Variants in ZMPSTE24 observed in about 807,000 individuals in gnomAD.
The protein encoded by ZMPSTE24 is CAAX prenyl protease 1 homolog.
In ZMPSTE24, 48 loss-of-function variants were observed where a neutral mutation model predicts 56.7. The observed-to-expected ratio is 0.85, with a 90% confidence interval of 0.67 to 1.08. The LOEUF (loss-of-function observed/expected upper bound fraction) is 1.08, where lower values mean the gene tolerates loss of function less well. Among genes scored for constraint, ZMPSTE24 ranks in the 50% least tolerant of loss-of-function variants. The pLI, the probability that ZMPSTE24 is intolerant of heterozygous loss-of-function variation, is 0.00. For missense variants in ZMPSTE24, 503 were observed against 548.7 expected (o/e 0.92, Z 0.83); for synonymous variants, 172 against 195.2 (o/e 0.88, Z 0.99).
At chr1:40,278,039 A>G (rs969585188) in intron 6 of ZMPSTE24, among the ~76,000 whole-genome samples, 3 of 151,934 alleles carry the variant, frequency 2.0e-5, no homozygotes, top group Non-Finnish European at 4.4e-5. Context: ...TTCAAAGGGT[A>G]ACACAGACAA....
chr1:40,274,842 T>C (rs143506707), intron 6 of ZMPSTE24, among the ~76,000 whole-genome samples: 28 of 152,264 alleles, frequency 1.8e-4, no homozygotes, highest in African/African-American at 6.7e-4. Context: ...TGGATACATT[T>C]GGGACAAGTT....
chr1:40,265,645 A>G (rs146475856), intron 2 of ZMPSTE24, among the ~76,000 whole-genome samples: 355 of 152,294 alleles, frequency 2.3e-3, no homozygotes, highest in South Asian at 0.021. Context: ...TCAGTAAGCT[A>G]TGATCATAAC....
rs773644288 is a variant in ZMPSTE24 at position 40,270,068 on chromosome 1, A to C, written c.568A>C (p.Lys190Gln). The C allele has an allele frequency of 6.2e-7, 1 of 1,613,860 alleles. No homozygotes were observed. The highest frequency in any genetic ancestry group is 8.5e-7 in the Non-Finnish European group (1 of 1,179,922). ...GTCTTCACTTCTACTTTACATTATT[A>C]AAATTGGGGGTGACTATTTTTTTAT... ...PVSSLLLYII[K>Q]IGGDYFFIYA... Residue 190 changes from lysine to glutamine, a missense_variant, in exon 5 of 10, where the codon AAA (lysine) becomes CAA (glutamine). Physicochemically the swap from Lys to Gln is moderately conservative, Grantham distance 53 (BLOSUM62 1). Transcript: ENST00000372759.
intron 2 of ZMPSTE24, 68 bp downstream of exon 2, chr1:40,261,053 A>G (rs2124575686): frequency 6.3e-7 from 1 of 1,578,264 alleles, no homozygotes. Context: ...TTGTAACACA[A>G]AAGAGGGTAC....
intron 4 of ZMPSTE24, among the ~76,000 whole-genome samples, chr1:40,269,067 C>T (rs111578762): frequency 0.012 from 1,593 of 132,014 alleles, 38 homozygotes; most frequent in African/African-American, 0.044. Context: ...CAGCAAGACT[C>T]CGTCTCAAAA....
chr1:40,287,083 T>C (rs1643795912), intron 8 of ZMPSTE24, among the ~76,000 whole-genome samples: 2 of 151,638 alleles, frequency 1.3e-5, no homozygotes, highest in African/African-American at 4.8e-5. Context: ...CTTTTTTTTT[T>C]TGAAATGGGG....
chr1:40,263,218 T>C (rs1242983220), intron 2 of ZMPSTE24, among the ~76,000 whole-genome samples: 1 of 152,214 alleles, frequency 6.6e-6, no homozygotes, highest in Non-Finnish European at 1.5e-5. Context: ...GTGAGAGCTT[T>C]GTAATGTACT....
At chr1:40,278,539 C>T (rs1440654487) in intron 6 of ZMPSTE24, among the ~76,000 whole-genome samples, 1 of 97,312 alleles carries the variant, frequency 1.0e-5, no homozygotes, top group African/African-American at 4.2e-5. Context: ...GCCTGGGCGA[C>T]AGAGTGAGAC....
Position 40,264,259 on chromosome 1 carries a change from G to A in ZMPSTE24, c.270+3274G>A, listed in dbSNP as rs189892797. ...TGAGACACAAGAATTGCTTGAACCC[G>A]GGAGGTGGAGGCTGCAGTGAGCTGA... On this transcript the variant is annotated intron_variant, in intron 2 of 9. Transcript: ENST00000372759. 1.7e-3 allele frequency among the ~76,000 whole-genome samples: 256 copies of A among 152,252 alleles called. 10 individuals are homozygous for A. In the South Asian group the frequency reaches 0.044, roughly 26 times the overall value.
At chr1:40,277,034 C>T (rs1008919649) in intron 6 of ZMPSTE24, among the ~76,000 whole-genome samples, 3 of 151,110 alleles carry the variant, frequency 2.0e-5, no homozygotes, top group Non-Finnish European at 4.4e-5. Flanking sequence ...TGACTGTATG[C>T]GACATGCCAG....
chr1:40,269,646 AG>A (rs1643593249), intron 4 of ZMPSTE24, among the ~76,000 whole-genome samples: 1 of 152,014 alleles, frequency 6.6e-6, no homozygotes, highest in Non-Finnish European at 1.5e-5. Context: ...TATTATTTTT[AG>A]TAGTGACAGG....
chr1:40,265,831 C>G (rs1643543447), intron 2 of ZMPSTE24, among the ~76,000 whole-genome samples: 1 of 152,212 alleles, frequency 6.6e-6, no homozygotes, highest in South Asian at 2.1e-4. Flanking sequence ...CTTTGCATTT[C>G]TAAGAAATTC....
chr1:40,260,676 G>C (rs1323715259), intron 1 of ZMPSTE24, among the ~76,000 whole-genome samples, 163 bp from the exon 2 acceptor site: 1 of 152,106 alleles, frequency 6.6e-6, no homozygotes, highest in African/African-American at 2.4e-5. Flanking sequence ...TTATTTTCCT[G>C]CATCAGTCGT....
intron 8 of ZMPSTE24, among the ~76,000 whole-genome samples, chr1:40,289,838 A>C (rs550041481): frequency 2.6e-4 from 40 of 152,222 alleles, no homozygotes; most frequent in African/African-American, 7.0e-4. Context: ...GAGAGGATTC[A>C]AGGGAAGCCT....
rs754563962 is a variant in ZMPSTE24 at position 40,272,036 on chromosome 1, G to A, written c.769+1G>A. ...TTGACGAAGGTGTATGTTGTGGAAG[G>A]TAAGGCTACCTGGGGATAAGAAAGT... On this transcript the variant is annotated splice_donor_variant, in intron 6 of 9. Coordinates refer to ENST00000372759, the MANE Select transcript of ZMPSTE24 (RefSeq NM_005857.5). LOFTEE classifies it high-confidence loss of function. The A allele has an allele frequency of 3.1e-6, 5 of 1,601,658 alleles. No homozygotes were observed. The South Asian group carries it at 5.7e-5, about 18-fold the overall frequency.
intron 4 of ZMPSTE24, 147 bp from the exon 5 acceptor site, chr1:40,269,828 A>G: frequency 1.1e-6 from 1 of 902,024 alleles, no homozygotes; most frequent in Non-Finnish European, 1.7e-6. Context: ...CCATTGTCTT[A>G]AGCTGCCTAA....
In ZMPSTE24 at chr1:40,294,077, T is replaced by G. The variant is rs184006744; in HGVS notation, c.*1408T>G. ...ATGCTTTTATTCAGCATCCTTTATC[T>G]GTGACTTCATGCTCTGATAACTGCC... On this transcript the variant is annotated 3_prime_UTR_variant, in exon 10 of 10. Coordinates refer to ENST00000372759, the MANE Select transcript of ZMPSTE24 (RefSeq NM_005857.5). 6.5e-5 allele frequency: 10 copies of G among 152,824 alleles called. No individual in the cohort carries two copies. The highest frequency in any genetic ancestry group is 2.4e-4 in the African/African-American group (10 of 41,598). 9.5% of individuals were successfully genotyped at this position (152,824 alleles called of 1,614,324 possible).
chr1:40,259,175 T>C (rs1643470178), intron 1 of ZMPSTE24, among the ~76,000 whole-genome samples: 1 of 151,972 alleles, frequency 6.6e-6, no homozygotes, highest in South Asian at 2.1e-4. Context: ...AATAAATAAA[T>C]GAAATTAAAT....
chr1:40,260,855 C>T lies in ZMPSTE24; in HGVS notation c.140C>T (p.Thr47Ile). ...LAQRQRRIYK[T>I]TTHVPPELGQ... Reference sequence around the variant, plus strand: ...ATATTTCAGAGAAGGATATATAAAACAACAACTCATGTACCACCGGAGTTA... The same window carrying T: ...ATATTTCAGAGAAGGATATATAAAATAACAACTCATGTACCACCGGAGTTA... The change falls in exon 2 of 10, where the codon ACA (threonine) becomes ATA (isoleucine). Residue 47 changes from threonine (T) to isoleucine (I), a missense_variant. Thr to Ile is a moderately conservative substitution (Grantham distance 89). Coordinates refer to ENST00000372759, the MANE Select transcript of ZMPSTE24 (RefSeq NM_005857.5). 6.2e-7 allele frequency: 1 copy of T among 1,613,572 alleles called. No individual in the cohort carries two copies. Among genetic ancestry groups the T allele is most frequent in the South Asian group, 1.1e-5 (1 of 91,066 alleles).
Sources: allele counts gnomAD v4.1 joint callset (sites outside exome capture counted in the v4.1 genomes callset), GRCh38; gene constraint gnomAD v4.1.1; transcripts MANE v1.5; gene names NCBI Gene and HGNC (gene_info 2026-07-23, HGNC 2026-07-21).